The following MYBL2 variants were observed in gnomAD, a reference collection of about 807,000 sequenced individuals.
MYBL2 encodes the protein MYB proto-oncogene like 2, also known as myb-related protein B.
MYBL2 carries 28 observed loss-of-function variants against 79.9 expected under a neutral mutation model. That is an observed-to-expected ratio of 0.35 (90% CI 0.26 to 0.48). MYBL2 has a LOEUF of 0.48. Ranked by LOEUF, MYBL2 falls within the 20% of genes least tolerant of loss-of-function variation. MYBL2 has a pLI of 0.99. For missense variants in MYBL2, 735 were observed against 893.9 expected (o/e 0.82, Z 2.27); for synonymous variants, 378 against 361.2 (o/e 1.05, Z -0.53).
At chr20:43,685,338 G>A (rs910222502) in intron 4 of MYBL2, among the ~76,000 whole-genome samples, 7 of 151,156 alleles carry the variant, frequency 4.6e-5, no homozygotes, top group African/African-American at 1.2e-4. Context: ...ATGCTACCAC[G>A]CCTGGCTGAT....
chr20:43,682,000 C>G (rs559162815), intron 3 of MYBL2, 145 bp downstream of exon 3: 2 of 767,248 alleles, frequency 2.6e-6, no homozygotes, highest in African/African-American at 1.7e-5. Context: ...GGCAAATGGA[C>G]CTTTGTAGGA....
chr20:43,716,240 A>ATGTGCTGCCC lies in MYBL2; in HGVS notation c.*157_*166dup. 1 of 1,082,388 alleles carries ATGTGCTGCCC rather than the reference A, an allele frequency of 9.2e-7. No individual in the cohort carries two copies. The allele number at this position is 1,082,388 out of a possible 1,614,324, so 67.0% of individuals were successfully genotyped here. A position where few individuals can be genotyped will look rare whatever the true frequency, so the allele number is the denominator to read the frequency against. Reference sequence around the variant, plus strand: ...ACTCTCAGGTGGAGGCAACAGGGCCATGTGCTGCCCTGTTGCCGAGCCCAG... The same window carrying ATGTGCTGCCC: ...ACTCTCAGGTGGAGGCAACAGGGCCATGTGCTGCCCTGTGCTGCCCTGTTGCCGAGCCCAG... On this transcript the variant is annotated 3_prime_UTR_variant, in exon 14 of 14. Transcript: ENST00000217026.
chr20:43,699,664 CCTT>C (rs1987635464), intron 6 of MYBL2, 90 bp from the exon 7 acceptor site: 1 of 1,366,874 alleles, frequency 7.3e-7, no homozygotes, highest in East Asian at 2.3e-5. Context: ...ATCACAGTTT[CCTT>C]CTTAGATTCA....
At chr20:43,672,978 T>C (rs1986903314) in intron 1 of MYBL2, among the ~76,000 whole-genome samples, 1 of 152,132 alleles carries the variant, frequency 6.6e-6, no homozygotes, top group African/African-American at 2.4e-5. Flanking sequence ...CAGTCTTGCT[T>C]TGTCACCCAG....
In MYBL2 at chr20:43,715,841, G is replaced by T; in HGVS notation, c.1975-118G>T. On this transcript the variant is annotated intron_variant, in intron 13 of 13. Transcript: ENST00000217026. ...AGGGAATGTGGAGAGAGAATAAGAA[G>T]GCTCTGGCTTCTAGGGGAGGGAGGC... The T allele has an allele frequency of 4.4e-6, 6 of 1,349,106 alleles. No homozygotes were observed. The South Asian group carries it at 5.8e-5, about 13-fold the overall frequency. The allele number at this position is 1,349,106 out of a possible 1,614,324, so 83.6% of individuals were successfully genotyped here. A position where few individuals can be genotyped will look rare whatever the true frequency, so the allele number is the denominator to read the frequency against.
intron 5 of MYBL2, among the ~76,000 whole-genome samples, chr20:43,691,026 C>T (rs1987394005): frequency 6.6e-6 from 1 of 152,226 alleles, no homozygotes; most frequent in Non-Finnish European, 1.5e-5. Context: ...GTAGATGTGT[C>T]TCCTCCCTGA....
At chr20:43,709,655 C>T (rs1455437206) in intron 9 of MYBL2, among the ~76,000 whole-genome samples, 1 of 152,216 alleles carries the variant, frequency 6.6e-6, no homozygotes, top group Admixed American at 6.5e-5. Flanking sequence ...CTCCGTGCCC[C>T]CTCTCACTGT....
chr20:43,712,790 A>G (rs151059793), intron 11 of MYBL2, among the ~76,000 whole-genome samples: 2 of 152,008 alleles, frequency 1.3e-5, no homozygotes, highest in Non-Finnish European at 2.9e-5. Flanking sequence ...GATAGGGTCT[A>G]CCTTGGGTAC....
Position 43,699,951 on chromosome 20 carries a change from G to C in MYBL2, c.858G>C (p.Thr286=), listed in dbSNP as rs774657690. 4 of 1,614,096 alleles carry C rather than the reference G, an allele frequency of 2.5e-6. No individual in the cohort carries two copies. Among genetic ancestry groups the C allele is most frequent in the East Asian group, 2.2e-5 (1 of 44,878 alleles). ...ACCAGGAAGGCTCCCCACCAGAAACGAGCCTGCCTTACAAGTGGGTGGTGG... is the reference window on the plus strand; with the variant it reads ...ACCAGGAAGGCTCCCCACCAGAAACCAGCCTGCCTTACAAGTGGGTGGTGG... ...REDQEGSPPE[T]SLPYKWVVEA... is the part of the protein sequence containing the mutation. The change falls in exon 7 of 14, where the codon ACG becomes ACC. Residue 286 remains threonine (T), a synonymous_variant. Transcript: ENST00000217026.
chr20:43,687,999 G>A (rs1338240515), intron 5 of MYBL2, among the ~76,000 whole-genome samples: 5 of 129,374 alleles, frequency 3.9e-5, no homozygotes, highest in East Asian at 2.3e-4. Flanking sequence ...GCGACAGAGC[G>A]AGACTGTCTC....
chr20:43,713,566 T>C (rs1987962159), intron 12 of MYBL2, among the ~76,000 whole-genome samples: 1 of 152,110 alleles, frequency 6.6e-6, no homozygotes, highest in African/African-American at 2.4e-5. Flanking sequence ...TTTGTATCTT[T>C]AGTAGAGACG....
At chr20:43,699,430 A>G (rs1473441086) in intron 6 of MYBL2, among the ~76,000 whole-genome samples, 1 of 152,226 alleles carries the variant, frequency 6.6e-6, no homozygotes, top group African/African-American at 2.4e-5. Flanking sequence ...TTGCTTACAT[A>G]ACCACAATAA....
At chr20:43,705,152 C>T in intron 8 of MYBL2, 67 bp from the exon 9 acceptor site, 1 of 1,570,602 alleles carries the variant, frequency 6.4e-7, no homozygotes, top group South Asian at 1.2e-5. Flanking sequence ...CCCCATGATC[C>T]CCTGAGGTCT....
intron 13 of MYBL2, 101 bp from the exon 14 acceptor site, chr20:43,715,858 G>C (rs1988019299): frequency 7.0e-7 from 1 of 1,427,626 alleles, no homozygotes; most frequent in South Asian, 1.4e-5. Flanking sequence ...GCTTCTAGGG[G>C]AGGGAGGCTT....
At chr20:43,668,814 G>C (rs1039925783) in intron 1 of MYBL2, among the ~76,000 whole-genome samples, 6 of 151,974 alleles carry the variant, frequency 3.9e-5, no homozygotes, top group African/African-American at 1.4e-4. Context: ...CAGCCCGCTG[G>C]GACTGCAGGC....
chr20:43,708,000 G>T (rs1987828628), intron 9 of MYBL2, among the ~76,000 whole-genome samples: 1 of 152,118 alleles, frequency 6.6e-6, no homozygotes, highest in African/African-American at 2.4e-5. Flanking sequence ...CACCAGTTTG[G>T]TTGTCTGTGG....
At chr20:43,713,323 G>A (rs879459927) in intron 12 of MYBL2, among the ~76,000 whole-genome samples, 2 of 151,838 alleles carry the variant, frequency 1.3e-5, no homozygotes, top group Non-Finnish European at 2.9e-5. Context: ...GCTAGGACAT[G>A]TTTTAAAAAC....
chr20:43,697,723 G>T (rs1987577014), intron 6 of MYBL2, among the ~76,000 whole-genome samples: 2 of 152,002 alleles, frequency 1.3e-5, no homozygotes, highest in Admixed American at 1.3e-4. Flanking sequence ...CTAGCATGGT[G>T]AAACCCCATC....
intron 12 of MYBL2, among the ~76,000 whole-genome samples, chr20:43,713,988 C>T (rs1473792039): frequency 6.6e-6 from 1 of 152,194 alleles, no homozygotes; most frequent in Non-Finnish European, 1.5e-5. Context: ...GACTGCTGCC[C>T]TCACGGTCCT....
Sources: allele counts gnomAD v4.1 joint callset (sites outside exome capture counted in the v4.1 genomes callset), GRCh38; gene constraint gnomAD v4.1.1; transcripts MANE v1.5; gene names NCBI Gene and HGNC (gene_info 2026-07-23, HGNC 2026-07-21).